Variants in SWAP70 observed in about 807,000 individuals in gnomAD.
SWAP70 encodes switching B cell complex subunit SWAP70, also known as switch-associated protein 70.
In SWAP70, 34 loss-of-function variants were observed where a neutral mutation model predicts 80.2. The observed-to-expected ratio is 0.42, with a 90% CI of 0.32 to 0.56. SWAP70 has a LOEUF of 0.56. Ranked by LOEUF, SWAP70 falls within the 20% of genes least tolerant of loss-of-function variation. SWAP70 has a pLI of 0.09. For synonymous variants in SWAP70, 239 were observed against 238.5 expected, an observed-to-expected ratio of 1.00 and a Z score of -0.02; for missense variants, 578 against 690.7, an observed-to-expected ratio of 0.84 and a Z score of 1.83.
At chr11:9,678,391 A>G (rs1228877560) in intron 1 of SWAP70, among the ~76,000 whole-genome samples, 1 of 152,116 alleles carries the variant, frequency 6.6e-6, no homozygotes, top group African/African-American at 2.4e-5. Flanking sequence ...TAGATATCTT[A>G]AAATAGGATA....
chr11:9,669,392 G>A (rs1037625967), intron 1 of SWAP70, among the ~76,000 whole-genome samples: 2 of 152,082 alleles, frequency 1.3e-5, no homozygotes, highest in African/African-American at 2.4e-5. Context: ...ACCATGTCTC[G>A]CTAATTTTTG....
chr11:9,720,224 T>A, intron 3 of SWAP70: 3 of 985,400 alleles, frequency 3.0e-6, no homozygotes, highest in Non-Finnish European at 3.6e-6. Context: ...TATGATTGTG[T>A]TGAAAGTCAG....
At chr11:9,683,145 A>T (rs1590015875) in intron 1 of SWAP70, among the ~76,000 whole-genome samples, 1 of 152,310 alleles carries the variant, frequency 6.6e-6, no homozygotes, top group East Asian at 1.9e-4. Context: ...CATGCCTGTA[A>T]TTCCAGCACT....
At chr11:9,744,538 T>C (rs2133818884) in intron 9 of SWAP70, among the ~76,000 whole-genome samples, 1 of 152,350 alleles carries the variant, frequency 6.6e-6, no homozygotes, top group East Asian at 1.9e-4. Flanking sequence ...TTTATTTTTT[T>C]ATGTGTAATC....
chr11:9,743,758 T>C (rs1308629319), intron 9 of SWAP70, among the ~76,000 whole-genome samples: 1 of 152,134 alleles, frequency 6.6e-6, no homozygotes, highest in East Asian at 1.9e-4. Context: ...TTTCTTTTTT[T>C]CTTGTAAATT....
chr11:9,665,912 T>A (rs566917671), intron 1 of SWAP70, among the ~76,000 whole-genome samples: 42 of 152,216 alleles, frequency 2.8e-4, no homozygotes, highest in Admixed American at 1.9e-3. Flanking sequence ...TCTTTTTTTT[T>A]ATTCATTCTG....
chr11:9,707,719 C>T (rs1277068807), intron 2 of SWAP70, among the ~76,000 whole-genome samples: 1 of 151,834 alleles, frequency 6.6e-6, no homozygotes, highest in East Asian at 1.9e-4. Context: ...CCATGCCTGG[C>T]TAATTTTTGT....
chr11:9,720,265 A>G, intron 3 of SWAP70: 18 of 985,382 alleles, frequency 1.8e-5, no homozygotes, highest in Non-Finnish European at 2.0e-5. Flanking sequence ...GTTGTCTGGC[A>G]CAGTCACTGG....
intron 3 of SWAP70, among the ~76,000 whole-genome samples, chr11:9,719,260 G>A (rs1224061652): frequency 6.6e-6 from 1 of 151,920 alleles, no homozygotes; most frequent in Non-Finnish European, 1.5e-5. Flanking sequence ...TAAAAAATTA[G>A]CCAGGCAGGG....
intron 2 of SWAP70, among the ~76,000 whole-genome samples, chr11:9,696,136 A>G (rs1293290028): frequency 2.0e-5 from 3 of 152,120 alleles, no homozygotes; most frequent in Admixed American, 1.3e-4. Context: ...TACCACTTAG[A>G]TATTTCCTCT....
At chr11:9,733,040 C>G (rs888648338) in intron 7 of SWAP70, among the ~76,000 whole-genome samples, 2 of 152,140 alleles carry the variant, frequency 1.3e-5, no homozygotes. Context: ...CTGGCCTGGA[C>G]AAGGTGTGTT....
chr11:9,701,828 G>A (rs12283521), intron 2 of SWAP70, among the ~76,000 whole-genome samples: 53,731 of 151,300 alleles, frequency 0.36, 9,844 homozygotes, highest in African/African-American at 0.42. Flanking sequence ...TTGCTTCAGC[G>A]TATTTTTAAG....
chr11:9,674,932 G>A (rs1363017673), intron 1 of SWAP70, among the ~76,000 whole-genome samples: 2 of 151,046 alleles, frequency 1.3e-5, no homozygotes, highest in Admixed American at 1.3e-4. Context: ...TTATGCCACT[G>A]CCCTCCAGCC....
At chr11:9,665,901 G>A (rs905103638) in intron 1 of SWAP70, among the ~76,000 whole-genome samples, 4 of 151,486 alleles carry the variant, frequency 2.6e-5, no homozygotes, top group Admixed American at 2.6e-4. Flanking sequence ...ATGTAGCTGG[G>A]TCTTTTTTTT....
At chr11:9,717,753 G>A (rs533703258) in intron 3 of SWAP70, among the ~76,000 whole-genome samples, 5 of 152,024 alleles carry the variant, frequency 3.3e-5, no homozygotes, top group Non-Finnish European at 7.4e-5. Context: ...AACTGGATGT[G>A]GGGTGGGTCT....
At chr11:9,697,535 G>A (rs568846232) in intron 2 of SWAP70, among the ~76,000 whole-genome samples, 1 of 151,948 alleles carries the variant, frequency 6.6e-6, no homozygotes, top group African/African-American at 2.4e-5. Flanking sequence ...CTCCCACCTC[G>A]GCCTCCCAAA....
At chr11:9,740,529 A>G in intron 9 of SWAP70, 182 bp downstream of exon 9, 1 of 658,284 alleles carries the variant, frequency 1.5e-6, no homozygotes, top group Non-Finnish European at 2.7e-6. Context: ...GTTTCTTTTC[A>G]TTCTGAGGCG....
At chr11:9,701,346 G>A (rs111947819) in intron 2 of SWAP70, among the ~76,000 whole-genome samples, 15,597 of 151,462 alleles carry the variant, frequency 0.1, 1,569 homozygotes, top group African/African-American at 0.26. Context: ...TACTTTTTGT[G>A]TTTTTAGTAG....
chr11:9,694,168 C>T lies in SWAP70; in HGVS notation c.122C>T (p.Thr41Met), dbSNP rs755469293. 9.0e-5 allele frequency: 145 copies of T among 1,608,224 alleles called. No homozygotes were observed. The highest frequency in any genetic ancestry group is 1.0e-4 in the Non-Finnish European group (123 of 1,177,534). Residue 41 changes from threonine to methionine, a missense_variant, in exon 2 of 12, where the codon ACG (threonine) becomes ATG (methionine). Transcript: ENST00000318950. The part of the protein sequence containing the change: ...QLKVLSHNLC[T>M]VLKVPHDPVA... ...CAGGTCCTTTCCCATAACCTGTGCACGGTGCTGAAGGTTCCTCATGACCCA... is the reference window on the plus strand; with the variant it reads ...CAGGTCCTTTCCCATAACCTGTGCATGGTGCTGAAGGTTCCTCATGACCCA...
Sources: gnomAD v4.1 joint callset for allele counts (sites outside exome capture counted in the v4.1 genomes callset) on GRCh38, gnomAD v4.1.1 for gene constraint, MANE v1.5 for transcripts, NCBI Gene and HGNC (gene_info 2026-07-23, HGNC 2026-07-21) for gene names.